The following C1orf21 variants were observed in gnomAD, a reference collection of about 807,000 sequenced individuals.
C1orf21 encodes the protein uncharacterized protein C1orf21.
In C1orf21, 3 loss-of-function variants were observed where a neutral mutation model predicts 18.7. That is an observed-to-expected ratio of 0.16 (90% CI 0.07 to 0.42). The LOEUF (loss-of-function observed/expected upper bound fraction) is 0.42, where lower values mean the gene tolerates loss of function less well. C1orf21 is among the 10% of genes least tolerant of loss of function. The pLI, the probability that C1orf21 is intolerant of heterozygous loss-of-function variation, is 0.99. For synonymous variants in C1orf21, 41 were observed against 46.4 expected (o/e 0.88, Z 0.47); for missense variants, 104 against 143.6 (o/e 0.72, Z 1.41).
At chr1:184,518,135 C>G (rs1344397662) in intron 3 of C1orf21, among the ~76,000 whole-genome samples, 2 of 152,134 alleles carry the variant, frequency 1.3e-5, no homozygotes, top group African/African-American at 4.8e-5. Flanking sequence ...CATTCAAGGT[C>G]TTAGAGATTA....
intron 3 of C1orf21, among the ~76,000 whole-genome samples, chr1:184,519,641 C>T (rs1658278093): frequency 6.6e-6 from 1 of 152,194 alleles, no homozygotes; most frequent in Non-Finnish European, 1.5e-5. Flanking sequence ...GCAGGTTGTT[C>T]AGATTTCTCT....
intron 3 of C1orf21, among the ~76,000 whole-genome samples, chr1:184,586,483 C>T (rs2101997181): frequency 6.6e-6 from 1 of 152,116 alleles, no homozygotes; most frequent in South Asian, 2.1e-4. Flanking sequence ...CGGGGTTTCA[C>T]CGTGTTAGCC....
intron 5 of C1orf21, among the ~76,000 whole-genome samples, chr1:184,610,637 G>A (rs1659720335): frequency 6.6e-6 from 1 of 152,154 alleles, no homozygotes; most frequent in Admixed American, 6.5e-5. Flanking sequence ...ACGAGGTCAA[G>A]AGATCGAGAC....
chr1:184,500,769 C>T (rs1215680538), intron 2 of C1orf21, among the ~76,000 whole-genome samples: 1 of 152,162 alleles, frequency 6.6e-6, no homozygotes, highest in Non-Finnish European at 1.5e-5. Flanking sequence ...TCTTTTTCCC[C>T]TAGGATAAGT....
intron 1 of C1orf21, among the ~76,000 whole-genome samples, chr1:184,443,228 T>C (rs185777074): frequency 6.6e-6 from 1 of 152,334 alleles, no homozygotes; most frequent in Non-Finnish European, 1.5e-5. Context: ...TTCTGTGGAC[T>C]GTTCCTCTGT....
chr1:184,588,719 C>T (rs370646969), intron 3 of C1orf21, among the ~76,000 whole-genome samples: 7 of 152,028 alleles, frequency 4.6e-5, no homozygotes, highest in African/African-American at 1.5e-4. Context: ...GCCTGACTTA[C>T]AGTAAGTGCT....
chr1:184,494,441 T>C (rs1657860661), intron 2 of C1orf21, among the ~76,000 whole-genome samples: 3 of 152,030 alleles, frequency 2.0e-5, no homozygotes, highest in South Asian at 2.1e-4. Flanking sequence ...GAATAGACTA[T>C]AGGAAGAGAG....
intron 3 of C1orf21, among the ~76,000 whole-genome samples, chr1:184,544,443 C>A (rs1016452013): frequency 6.6e-6 from 1 of 152,128 alleles, no homozygotes; most frequent in Non-Finnish European, 1.5e-5. Context: ...CCATTTTTCA[C>A]CCATTTAGTT....
intron 3 of C1orf21, among the ~76,000 whole-genome samples, chr1:184,511,180 A>G (rs1463711623): frequency 6.6e-6 from 1 of 152,174 alleles, no homozygotes; most frequent in Non-Finnish European, 1.5e-5. Flanking sequence ...ATTCCTGTTA[A>G]TCTTTAAAAA....
chr1:184,568,397 T>C (rs1396503086), intron 3 of C1orf21: 1 of 469,642 alleles, frequency 2.1e-6, no homozygotes, highest in Admixed American at 2.4e-5. Context: ...CTGTTCCCAG[T>C]CACTGGCAAC....
intron 1 of C1orf21, among the ~76,000 whole-genome samples, chr1:184,410,327 C>T (rs906721137): frequency 6.6e-6 from 1 of 151,624 alleles, no homozygotes; most frequent in African/African-American, 2.4e-5. Context: ...ATACTTTTGT[C>T]CTAACTTTTG....
intron 1 of C1orf21, among the ~76,000 whole-genome samples, chr1:184,413,387 A>T (rs1012590214): frequency 7.2e-5 from 11 of 152,254 alleles, no homozygotes; most frequent in African/African-American, 2.7e-4. Flanking sequence ...TATTTGAACA[A>T]AATCTCATAG....
rs555403218 is a variant in C1orf21, at chr1:184,490,724, GCTGT to G, written c.94+13124_94+13127del. Among the ~76,000 whole-genome samples the G allele has an allele frequency of 1.2e-4, 18 of 152,232 alleles. 1 individual carries two copies. The South Asian group carries it at 3.5e-3, about 30-fold the overall frequency. On this transcript the variant is annotated intron_variant, in intron 2 of 5. Transcript: ENST00000235307. ...AGAAAATTTGATGCTAATTCCTTAAGCTGTCTAAGTGTTCAGCCTCACCTCAGGT... is the reference window on the plus strand; with the variant it reads ...AGAAAATTTGATGCTAATTCCTTAAGCTAAGTGTTCAGCCTCACCTCAGGT...
In C1orf21 at chr1:184,572,768, A is replaced by G. The variant is rs371873237; in HGVS notation, c.190-17971A>G. On this transcript the variant is annotated intron_variant, in intron 3 of 5. Transcript: ENST00000235307. The stretch of plus-strand genomic sequence containing the variant: ...GGAGTTTGAGACCAGCCTGACCAAC[A>G]TGGTGAAACCCCATCTCTACTGAAA... Among the ~76,000 whole-genome samples the G allele has an allele frequency of 2.2e-3, 328 of 152,302 alleles. 1 individual carries two copies. The highest frequency in any genetic ancestry group is 7.8e-3 in the African/African-American group (324 of 41,572).
chr1:184,403,922 G>T (rs1383158359), intron 1 of C1orf21, among the ~76,000 whole-genome samples: 1 of 152,150 alleles, frequency 6.6e-6, no homozygotes, highest in Non-Finnish European at 1.5e-5. Flanking sequence ...ACACTAAGCA[G>T]TTTTTTGGTA....
intron 1 of C1orf21, among the ~76,000 whole-genome samples, chr1:184,471,818 A>G (rs1557980725): frequency 6.6e-6 from 1 of 152,178 alleles, no homozygotes; most frequent in Non-Finnish European, 1.5e-5. Context: ...TTAATAGCAT[A>G]TTGTCGATTG....
intron 1 of C1orf21, among the ~76,000 whole-genome samples, chr1:184,437,132 A>G (rs1656871210): frequency 6.6e-6 from 1 of 152,070 alleles, no homozygotes; most frequent in Non-Finnish European, 1.5e-5. Context: ...GAAGATTGAG[A>G]TGTTTGAATC....
chr1:184,602,137 C>T (rs963504132), intron 5 of C1orf21, among the ~76,000 whole-genome samples: 2 of 152,202 alleles, frequency 1.3e-5, no homozygotes, highest in African/African-American at 4.8e-5. Context: ...TCCTCACCCT[C>T]ACCCTGCTAT....
intron 3 of C1orf21, among the ~76,000 whole-genome samples, chr1:184,527,212 T>C (rs892772914): frequency 1.8e-4 from 27 of 152,224 alleles, no homozygotes; most frequent in Non-Finnish European, 4.0e-4. Flanking sequence ...ATATCCTCTA[T>C]GCCAGAAGTG....
Sources: gnomAD v4.1 joint callset for allele counts (sites outside exome capture counted in the v4.1 genomes callset) on GRCh38, gnomAD v4.1.1 for gene constraint, MANE v1.5 for transcripts, NCBI Gene and HGNC (gene_info 2026-07-23, HGNC 2026-07-21) for gene names.